LARGE1: variants seen among roughly 807,000 people sequenced by gnomAD.
LARGE1 encodes the protein LARGE xylosyl- and glucuronyltransferase 1.
A neutral mutation model predicts 87.6 loss-of-function variants in LARGE1; 43 were observed. The ratio of observed to expected loss-of-function variants is 0.49; its 90% CI spans 0.38 to 0.63. LARGE1 has a LOEUF of 0.63. Among genes scored for constraint, LARGE1 ranks in the 30% least tolerant of loss-of-function variants. The pLI is 0.00. For missense variants in LARGE1, 802 were observed against 1,000.2 expected (o/e 0.80, Z 2.67); for synonymous variants, 434 against 394.6 (o/e 1.10, Z -1.18).
intron 1 of LARGE1, among the ~76,000 whole-genome samples, chr22:33,826,522 T>C (rs758284924): frequency 6.6e-6 from 1 of 152,028 alleles, no homozygotes; most frequent in Non-Finnish European, 1.5e-5. Context: ...TTTGTATTTT[T>C]AGTAGAGATA....
intron 9 of LARGE1, among the ~76,000 whole-genome samples, chr22:33,374,366 CAATAT>C (rs2064925540): frequency 6.6e-6 from 1 of 152,152 alleles, no homozygotes; most frequent in Non-Finnish European, 1.5e-5. Context: ...TATATGTTAT[CAATAT>C]AATTTCCTGT....
At position 33,575,285 on chromosome 22, in the gene LARGE1, C is replaced by T. The variant is rs569304041; in HGVS notation, c.616-10266G>A. Among the ~76,000 whole-genome samples the T allele has an allele frequency of 2.6e-5, 4 of 152,284 alleles. No homozygotes were observed. The South Asian group carries it at 8.3e-4, about 32-fold the overall frequency. ...ATAGCCCCAAGCTTAAGTGCCCCAC[C>T]TGAAACTAATACTTTGTTGGATTTA... On this transcript the variant is annotated intron_variant, in intron 5 of 14. Transcript: ENST00000397394.
chr22:33,711,456 C>T (rs1480931083), intron 2 of LARGE1, among the ~76,000 whole-genome samples: 1 of 152,164 alleles, frequency 6.6e-6, no homozygotes, highest in Non-Finnish European at 1.5e-5. Context: ...GAAGGATACC[C>T]TGGAAACCAG....
At chr22:33,493,154 CTT>C (rs750203810) in intron 6 of LARGE1, among the ~76,000 whole-genome samples, 14 of 109,178 alleles carry the variant, frequency 1.3e-4, no homozygotes, top group African/African-American at 3.7e-4. Context: ...GCATGGTGGC[CTT>C]TTTTTTTTTT....
intron 11 of LARGE1, among the ~76,000 whole-genome samples, chr22:33,262,931 TGC>T (rs994311859): frequency 2.1e-4 from 32 of 151,686 alleles, no homozygotes; most frequent in African/African-American, 7.0e-4. Context: ...CTCACACTGT[TGC>T]CCAGGTTGGA....
At chr22:33,608,478 G>C (rs1398542845) in intron 4 of LARGE1, among the ~76,000 whole-genome samples, 2 of 152,120 alleles carry the variant, frequency 1.3e-5, no homozygotes, top group African/African-American at 4.8e-5. Flanking sequence ...TGTGTGAAAA[G>C]CTCATCCGCC....
At chr22:33,574,686 TTGTGTGTGTGTGTGTGTG>T (rs3986017) in intron 5 of LARGE1, among the ~76,000 whole-genome samples, 3,442 of 144,080 alleles carry the variant, frequency 0.024, 51 homozygotes, top group African/African-American at 0.037. Context: ...ATATAAACAA[TTGTGTGTGTGTGTGTGTG>T]TGTGTGTGTG....
At chr22:33,238,646 G>A (rs1021701013) in intron 11 of LARGE1, among the ~76,000 whole-genome samples, 13 of 152,126 alleles carry the variant, frequency 8.5e-5, no homozygotes, top group Non-Finnish European at 1.5e-4. Context: ...ATATTTTACA[G>A]TGCCATAAAA....
chr22:33,375,681 T>C (rs1469164132), intron 9 of LARGE1, among the ~76,000 whole-genome samples: 2 of 152,242 alleles, frequency 1.3e-5, no homozygotes, highest in African/African-American at 4.8e-5. Flanking sequence ...GGACTGTAAG[T>C]ATAACCTAAA....
At chr22:33,640,435 G>A (rs569975411) in intron 3 of LARGE1, among the ~76,000 whole-genome samples, 3 of 152,212 alleles carry the variant, frequency 2.0e-5, no homozygotes, top group Non-Finnish European at 4.4e-5. Flanking sequence ...CACAAAGAAA[G>A]AGAAGAAGAA....
chr22:33,531,205 T>A (rs1569243261), intron 6 of LARGE1, among the ~76,000 whole-genome samples: 1 of 152,248 alleles, frequency 6.6e-6, no homozygotes, highest in East Asian at 1.9e-4. Context: ...TTGCCCAGGC[T>A]GGAGTGCAAT....
chr22:33,408,703 T>TC (rs1569138062), intron 7 of LARGE1, among the ~76,000 whole-genome samples: 1 of 151,948 alleles, frequency 6.6e-6, no homozygotes, highest in Non-Finnish European at 1.5e-5. Context: ...GTCTTTTTTT[T>TC]TTTTTTTCTT....
chr22:33,481,131 A>C (rs1157518987), intron 6 of LARGE1, among the ~76,000 whole-genome samples: 1 of 146,898 alleles, frequency 6.8e-6, no homozygotes, highest in Admixed American at 6.9e-5. Context: ...ATTGCCCTGC[A>C]AAAAAAAAAC....
chr22:33,492,004 T>C (rs983532187), intron 6 of LARGE1, among the ~76,000 whole-genome samples: 29 of 152,108 alleles, frequency 1.9e-4, no homozygotes, highest in Non-Finnish European at 4.0e-4. Flanking sequence ...TATTTCAAAA[T>C]AGAAAGATAC....
intron 7 of LARGE1, among the ~76,000 whole-genome samples, chr22:33,430,755 C>T (rs2067051234): frequency 6.6e-6 from 1 of 152,188 alleles, no homozygotes; most frequent in South Asian, 2.1e-4. Context: ...GCTTTGACCC[C>T]CACTCTGACC....
intron 6 of LARGE1, among the ~76,000 whole-genome samples, chr22:33,466,923 C>A (rs191456962): frequency 1.2e-4 from 18 of 152,152 alleles, no homozygotes; most frequent in Admixed American, 9.2e-4. Context: ...GCCTGTAATC[C>A]CACCTACTTG....
chr22:33,784,911 G>C (rs996450606), intron 1 of LARGE1, among the ~76,000 whole-genome samples: 3 of 127,226 alleles, frequency 2.4e-5, no homozygotes, highest in Admixed American at 2.1e-4. Context: ...TATATTATAT[G>C]TGTGTGTATA....
chr22:33,330,389 C>G (rs1034479454), intron 10 of LARGE1, among the ~76,000 whole-genome samples: 1 of 152,096 alleles, frequency 6.6e-6, no homozygotes, highest in Non-Finnish European at 1.5e-5. Flanking sequence ...GCGGATCGAT[C>G]ATAGCTCACT....
At chr22:33,783,480 G>A (rs767237498) in intron 1 of LARGE1, among the ~76,000 whole-genome samples, 15 of 152,020 alleles carry the variant, frequency 9.9e-5, no homozygotes, top group Admixed American at 2.0e-4. Context: ...CAGGAGAATC[G>A]CTTGAACCTG....
Sources: gnomAD v4.1 joint callset for allele counts (sites outside exome capture counted in the v4.1 genomes callset) on GRCh38, gnomAD v4.1.1 for gene constraint, MANE v1.5 for transcripts, NCBI Gene and HGNC (gene_info 2026-07-23, HGNC 2026-07-21) for gene names.